Variants in PTPRR observed in about 807,000 individuals in gnomAD.
PTPRR encodes protein tyrosine phosphatase receptor type R.
In PTPRR, 38 loss-of-function variants were observed where a neutral mutation model predicts 77.2. The ratio of observed to expected loss-of-function variants is 0.49; its 90% CI spans 0.38 to 0.65. The LOEUF (loss-of-function observed/expected upper bound fraction) is 0.65, where lower values mean the gene tolerates loss of function less well. Ranked by LOEUF, PTPRR falls within the 30% of genes least tolerant of loss-of-function variation. The pLI is 0.00. For synonymous variants in PTPRR, 299 were observed against 283.1 expected (o/e 1.06, Z -0.57); for missense variants, 744 against 799.2 (o/e 0.93, Z 0.83).
At chr12:70,857,671 G>C (rs10784872) in intron 2 of PTPRR, among the ~76,000 whole-genome samples, 151,151 of 152,216 alleles carry the variant, frequency 0.99, 75,050 homozygotes, top group Middle Eastern at 1. Flanking sequence ...AATCTATATA[G>C]AGTGAATATG....
chr12:70,732,646 C>T (rs1229259270), intron 6 of PTPRR, among the ~76,000 whole-genome samples: 2 of 152,114 alleles, frequency 1.3e-5, no homozygotes, highest in African/African-American at 2.4e-5. Flanking sequence ...TTGCGACCTC[C>T]GCATCCTGGG....
At chr12:70,647,596 G>A (rs1223917134) in intron 13 of PTPRR, among the ~76,000 whole-genome samples, 1 of 152,206 alleles carries the variant, frequency 6.6e-6, no homozygotes, top group Non-Finnish European at 1.5e-5. Context: ...GAAGCTGGTT[G>A]GCTTAGCTTT....
chr12:70,726,000 A>G lies in PTPRR; in HGVS notation c.1007+19818T>C, dbSNP rs186281700. Among the ~76,000 whole-genome samples the G allele has an allele frequency of 8.7e-4, 133 of 152,224 alleles. 2 individuals carry two copies. The highest frequency in any genetic ancestry group is 6.2e-3 in the South Asian group (30 of 4,824). ...CAATACTATTGCTTATAATGTACACATCATAGATAGATGATGATCACAAGT... is the reference window on the plus strand; with the variant it reads ...CAATACTATTGCTTATAATGTACACGTCATAGATAGATGATGATCACAAGT... On this transcript the variant is annotated intron_variant, in intron 6 of 13. Transcript: ENST00000283228.
chr12:70,892,570 C>T (rs528156390), intron 2 of PTPRR, 109 bp downstream of exon 2: 9 of 1,272,324 alleles, frequency 7.1e-6, no homozygotes, highest in East Asian at 2.3e-5. Context: ...GGTACATACC[C>T]GTTGGGATTC....
intron 2 of PTPRR, among the ~76,000 whole-genome samples, chr12:70,869,801 C>G (rs375899644): frequency 6.6e-6 from 1 of 152,158 alleles, no homozygotes; most frequent in Non-Finnish European, 1.5e-5. Flanking sequence ...CCCCTAGAAT[C>G]TCCGGAAGGA....
intron 10 of PTPRR, among the ~76,000 whole-genome samples, chr12:70,678,698 G>GTC (rs1312924967): frequency 2.0e-5 from 3 of 151,912 alleles, no homozygotes; most frequent in East Asian, 1.9e-4. Flanking sequence ...TTGAGATGGA[G>GTC]TCTCTCTCTC....
intron 10 of PTPRR, among the ~76,000 whole-genome samples, chr12:70,682,670 A>G (rs954791950): frequency 1.3e-5 from 2 of 152,186 alleles, no homozygotes; most frequent in Non-Finnish European, 2.9e-5. Flanking sequence ...ACACATACAG[A>G]GAATACACCT....
intron 5 of PTPRR, among the ~76,000 whole-genome samples, chr12:70,749,351 T>G (rs1026770283): frequency 1.3e-5 from 2 of 152,212 alleles, no homozygotes; most frequent in Admixed American, 6.5e-5. Flanking sequence ...GAATCTTAGT[T>G]TTCTCATAAG....
intron 6 of PTPRR, among the ~76,000 whole-genome samples, chr12:70,727,740 T>C (rs533826177): frequency 6.5e-4 from 99 of 152,222 alleles, no homozygotes; most frequent in Non-Finnish European, 1.2e-3. Context: ...GAAAAATGCA[T>C]CCAAACGGCA....
At chr12:70,819,396 T>A (rs1056934174) in intron 2 of PTPRR, among the ~76,000 whole-genome samples, 1 of 152,184 alleles carries the variant, frequency 6.6e-6, no homozygotes, top group Non-Finnish European at 1.5e-5. Flanking sequence ...GGGCTTCATA[T>A]GTTTTGCAAA....
intron 2 of PTPRR, among the ~76,000 whole-genome samples, chr12:70,883,105 A>G (rs543045512): frequency 6.6e-6 from 1 of 152,228 alleles, no homozygotes; most frequent in South Asian, 2.1e-4. Context: ...TACTAAAAAT[A>G]CAAAAATTAG....
chr12:70,831,403 T>C (rs1892209626), intron 2 of PTPRR, among the ~76,000 whole-genome samples: 1 of 152,160 alleles, frequency 6.6e-6, no homozygotes, highest in South Asian at 2.1e-4. Context: ...AGGTAAAGGC[T>C]CAGTTAAGCT....
chr12:70,741,126 A>G (rs1890032579), intron 6 of PTPRR, among the ~76,000 whole-genome samples: 1 of 152,200 alleles, frequency 6.6e-6, no homozygotes, highest in South Asian at 2.1e-4. Context: ...TTAGTCATAA[A>G]AAAGAATCAT....
At chr12:70,809,133 A>G (rs1240074484) in intron 2 of PTPRR, among the ~76,000 whole-genome samples, 3 of 152,182 alleles carry the variant, frequency 2.0e-5, no homozygotes, top group Non-Finnish European at 4.4e-5. Flanking sequence ...AGATGTCTGC[A>G]AGGAACTTAA....
chr12:70,915,409 A>G (rs1305075213), intron 1 of PTPRR, among the ~76,000 whole-genome samples: 3 of 152,192 alleles, frequency 2.0e-5, no homozygotes, highest in Non-Finnish European at 2.9e-5. Flanking sequence ...GTGCTATTCT[A>G]TTGGAGGTGC....
Position 70,876,062 on chromosome 12 carries a change from G to A in PTPRR, c.357+16617C>T, listed in dbSNP as rs562584678. Among the ~76,000 whole-genome samples, 6 of 152,166 alleles carry A rather than the reference G, an allele frequency of 3.9e-5. No individual in the cohort carries two copies. In the South Asian group the frequency reaches 1.2e-3, roughly 32 times the overall value. ...ATCAGGCACCTTTATGCACATTGCT[G>A]GTGGGAAGATAAATTGCTACAACTT... On this transcript the variant is annotated intron_variant, in intron 2 of 13. Transcript: ENST00000283228.
intron 6 of PTPRR, among the ~76,000 whole-genome samples, chr12:70,731,403 G>C (rs1463994806): frequency 6.6e-6 from 1 of 152,168 alleles, no homozygotes; most frequent in East Asian, 1.9e-4. Context: ...GGAGAAACTT[G>C]CAATCGCCTT....
intron 3 of PTPRR, 26 bp downstream of exon 3, chr12:70,764,639 G>A (rs1429588375): frequency 6.4e-7 from 1 of 1,568,030 alleles, no homozygotes; most frequent in Admixed American, 1.7e-5. Flanking sequence ...CTTGAATTTT[G>A]GAAATGCGAA....
At chr12:70,854,065 T>C (rs534920792) in intron 2 of PTPRR, among the ~76,000 whole-genome samples, 2 of 152,338 alleles carry the variant, frequency 1.3e-5, no homozygotes, top group African/African-American at 4.8e-5. Flanking sequence ...ATCCAAATCA[T>C]GTCCCTTCTT....
Sources: allele counts gnomAD v4.1 joint callset (sites outside exome capture counted in the v4.1 genomes callset), GRCh38; gene constraint gnomAD v4.1.1; transcripts MANE v1.5; gene names NCBI Gene and HGNC (gene_info 2026-07-23, HGNC 2026-07-21).